TOR1A: variants seen among roughly 807,000 people sequenced by gnomAD.
TOR1A encodes the protein torsin family 1 member A.
TOR1A carries 18 observed loss-of-function variants against 31.4 expected under a neutral mutation model. The observed-to-expected ratio is 0.57, with a 90% CI of 0.40 to 0.85. TOR1A has a LOEUF of 0.85. TOR1A is among the 40% of genes least tolerant of loss of function. The probability of loss-of-function intolerance (pLI) is 0.00; values close to 1 mark genes in which losing one functional copy is unlikely to be tolerated. For synonymous variants in TOR1A, 168 were observed against 165.9 expected, an observed-to-expected ratio of 1.01 and a Z score of -0.10; for missense variants, 375 against 416.4, an observed-to-expected ratio of 0.90 and a Z score of 0.87.
intron 2 of TOR1A, among the ~76,000 whole-genome samples, chr9:129,820,974 GTTCACATTT>G (rs1394784461): frequency 1.3e-5 from 2 of 152,148 alleles, no homozygotes; most frequent in Non-Finnish European, 2.9e-5. Context: ...GGAAAAATGT[GTTCACATTT>G]TTCCATAGAT....
rs751462831 is a variant in TOR1A at position 129,824,064 on chromosome 9, G to A, written c.22C>T (p.Leu8=). MKLGRAV[L]GLLLLAPSVV... is the part of the protein sequence containing the mutation. Reference sequence around the variant, plus strand: ...GACGGCGCCAGCAGCAGCAGGCCCAGCACGGCCCGGCCCAGCTTCATGCCC... The same window carrying A: ...GACGGCGCCAGCAGCAGCAGGCCCAACACGGCCCGGCCCAGCTTCATGCCC... The change falls in exon 1 of 5, where the codon CTG becomes TTG. Residue 8 remains leucine, a synonymous_variant. Coordinates refer to ENST00000351698, the MANE Select transcript of TOR1A (RefSeq NM_000113.3). 1.9e-6 allele frequency: 3 copies of A among 1,594,498 alleles called. No individual in the cohort carries two copies. Among genetic ancestry groups the A allele is most frequent in the Non-Finnish European group, 1.7e-6 (2 of 1,173,376 alleles).
chr9:129,820,459 C>T (rs996947071), intron 2 of TOR1A, among the ~76,000 whole-genome samples: 2 of 152,166 alleles, frequency 1.3e-5, no homozygotes, highest in African/African-American at 4.8e-5. Flanking sequence ...CAAAACCCAT[C>T]ACGGTAGTTA....
chr9:129,814,241 G>T lies in TOR1A; in HGVS notation c.749-19C>A. Reference sequence around the variant, plus strand: ...AAGCCACCTGGGAAGAAGAAACAAGGTGCTGTTCATCCACATCCACCCACC... The same window carrying T: ...AAGCCACCTGGGAAGAAGAAACAAGTTGCTGTTCATCCACATCCACCCACC... On this transcript the variant is annotated intron_variant, in intron 4 of 4. Coordinates refer to ENST00000351698, the MANE Select transcript of TOR1A (RefSeq NM_000113.3). The T allele has an allele frequency of 6.2e-7, 1 of 1,613,908 alleles. No homozygotes were observed. The highest frequency in any genetic ancestry group is 8.5e-7 in the Non-Finnish European group (1 of 1,179,968).
intron 1 of TOR1A, 87 bp from the exon 2 acceptor site, chr9:129,822,933 C>A: frequency 6.3e-7 from 1 of 1,589,706 alleles, no homozygotes; most frequent in East Asian, 2.2e-5. Flanking sequence ...GCCAGCAAAG[C>A]CGTCTAGACG....
At chr9:129,815,135 T>C (rs2031004036) in intron 4 of TOR1A, among the ~76,000 whole-genome samples, 1 of 152,240 alleles carries the variant, frequency 6.6e-6, no homozygotes, top group African/African-American at 2.4e-5. Context: ...GCTGATTCCC[T>C]TCTGGTCTGC....
At chr9:129,819,952 T>TA (rs1178267603) in intron 2 of TOR1A, among the ~76,000 whole-genome samples, 10 of 147,154 alleles carry the variant, frequency 6.8e-5, no homozygotes, top group African/African-American at 2.2e-4. Context: ...ATAATAATAA[T>TA]AATAAATAAA....
rs200103858 is a variant in TOR1A at position 129,814,378 on chromosome 9, CA to C, written c.749-157del. 4.1e-3 allele frequency among the ~76,000 whole-genome samples: 531 copies of C among 130,282 alleles called. 6 individuals are homozygous for C. The highest frequency in any genetic ancestry group is 0.014 in the African/African-American group (503 of 35,116). 85.5% of individuals were successfully genotyped at this position (130,282 alleles called of 152,430 possible). A position where few individuals can be genotyped will look rare whatever the true frequency, so the allele number is the denominator to read the frequency against. On this transcript the variant is annotated intron_variant, in intron 4 of 4. Coordinates refer to ENST00000351698, the MANE Select transcript of TOR1A (RefSeq NM_000113.3). ...ACACACCTACTGGGGGTCACCCACC[CA>C]CCCCCCCCACATCTACTAGGGGTCA...
chr9:129,816,496 A>C (rs2031043083), intron 4 of TOR1A, among the ~76,000 whole-genome samples: 1 of 152,106 alleles, frequency 6.6e-6, no homozygotes, highest in South Asian at 2.1e-4. Flanking sequence ...TTCTTTCTTT[A>C]TTATCACTAG....
intron 2 of TOR1A, chr9:129,821,967 CA>C (rs2031194872): frequency 6.0e-6 from 1 of 167,800 alleles, no homozygotes; most frequent in Non-Finnish European, 1.3e-5. Context: ...TCCTCTTTCA[CA>C]AAATGAGTGA....
intron 1 of TOR1A, 95 bp from the exon 2 acceptor site, chr9:129,822,941 A>T: frequency 6.4e-7 from 1 of 1,574,228 alleles, no homozygotes; most frequent in Non-Finnish European, 8.7e-7. Context: ...AGCCGTCTAG[A>T]CGCCCTCCAA....
At chr9:129,818,469 G>C (rs376622318) in intron 4 of TOR1A, 51 bp downstream of exon 4, 22 of 1,611,534 alleles carry the variant, frequency 1.4e-5, no homozygotes, top group South Asian at 1.3e-4. Flanking sequence ...TTAACACTTA[G>C]GGTGCAGGAT....
Position 129,816,401 on chromosome 9 carries a change from G to A in TOR1A, c.748+2119C>T, listed in dbSNP as rs529369674. ...TATCTATATGTCCACATGTGTACAT[G>A]TGCGATGTGTGCATATGTACTGCAT... On this transcript the variant is annotated intron_variant, in intron 4 of 4. Transcript: ENST00000351698. Among the ~76,000 whole-genome samples, 5 of 152,288 alleles carry A rather than the reference G, an allele frequency of 3.3e-5. No individual in the cohort carries two copies. The East Asian group carries it at 9.7e-4, about 29-fold the overall frequency.
rs759673036 is a variant in TOR1A at position 129,814,117 on chromosome 9, A to G, written c.854T>C (p.Met285Thr). The change falls in exon 5 of 5, where the codon ATG becomes ACG. Residue 285 changes from methionine to threonine, a missense_variant. Coordinates refer to ENST00000351698, the MANE Select transcript of TOR1A (RefSeq NM_000113.3). The part of the protein sequence containing the change: ...KHLKMCIRVE[M>T]QSRGYEIDED... ...ATCAATTTCATAGCCTCGGGACTGC[A>G]TTTCCACTCGGATACACATTTTTAG... 2 of 1,614,188 alleles carry G rather than the reference A, an allele frequency of 1.2e-6. No individual in the cohort carries two copies. The highest frequency in any genetic ancestry group is 1.7e-6 in the Non-Finnish European group (2 of 1,180,040).
At position 129,813,054 on chromosome 9, in the gene TOR1A, T is replaced by C. The variant is rs185181722; in HGVS notation, c.*918A>G. On this transcript the variant is annotated 3_prime_UTR_variant, in exon 5 of 5. Transcript: ENST00000351698. ...TAAGCTTTATAGGAGGTTTCGGGGA[T>C]TCTGATTGAACGTAACAAATAATAG... 6.6e-6 allele frequency: 1 copy of C among 152,308 alleles called. No individual in the cohort carries two copies. Among genetic ancestry groups the C allele is most frequent in the Admixed American group, 6.5e-5 (1 of 15,288 alleles). 9.4% of individuals were successfully genotyped at this position (152,308 alleles called of 1,614,324 possible).
Position 129,813,272 on chromosome 9 carries a change from C to T in TOR1A, c.*700G>A, listed in dbSNP as rs1223829758. 6.5e-6 allele frequency: 1 copy of T among 152,958 alleles called. No homozygotes were observed. The highest frequency in any genetic ancestry group is 1.5e-5 in the Non-Finnish European group (1 of 68,612). The allele number at this position is 152,958 out of a possible 1,614,324, so 9.5% of individuals were successfully genotyped here. A position where few individuals can be genotyped will look rare whatever the true frequency, so the allele number is the denominator to read the frequency against. On this transcript the variant is annotated 3_prime_UTR_variant, in exon 5 of 5. Transcript: ENST00000351698. ...AATGTTGACAGTGTGGCCAAAATCA[C>T]TCCCACAGCTCCCATTGTTGCTAAG... is the stretch of plus-strand genomic sequence containing the variant.
intron 1 of TOR1A, chr9:129,823,666 G>GCCCCCCCC: frequency 1.8e-5 from 1 of 55,876 alleles, no homozygotes; most frequent in South Asian, 3.5e-4. Flanking sequence ...CGATCCCCCA[G>GCCCCCCCC]CCCCACCCCC....
At chr9:129,821,863 C>T (rs2031192539) in intron 2 of TOR1A, 1 of 153,126 alleles carries the variant, frequency 6.5e-6, no homozygotes. Flanking sequence ...CACTGCACTC[C>T]AGCCTGGACA....
chr9:129,815,881 C>T lies in TOR1A; in HGVS notation c.749-1659G>A, dbSNP rs562331478. Among the ~76,000 whole-genome samples the T allele has an allele frequency of 6.9e-4, 105 of 152,238 alleles. 1 individual carries two copies. Among genetic ancestry groups the T allele is most frequent in the African/African-American group, 2.3e-3 (97 of 41,520 alleles). ...CTTCAAAACACACCCAGAAGCCAAC[C>T]GTGTCCCTCCACCCCCACCGCTTCC... is the stretch of plus-strand genomic sequence containing the variant. On this transcript the variant is annotated intron_variant, in intron 4 of 4. Coordinates refer to ENST00000351698, the MANE Select transcript of TOR1A (RefSeq NM_000113.3).
intron 2 of TOR1A, chr9:129,821,435 C>T (rs1020755090): frequency 1.3e-5 from 2 of 152,138 alleles, no homozygotes; most frequent in African/African-American, 4.8e-5. Context: ...ATGCACTTGA[C>T]AGACAGAGCT....
Sources: gnomAD v4.1 joint callset for allele counts (sites outside exome capture counted in the v4.1 genomes callset) on GRCh38, gnomAD v4.1.1 for gene constraint, MANE v1.5 for transcripts, NCBI Gene and HGNC (gene_info 2026-07-23, HGNC 2026-07-21) for gene names.